RGS5: variants seen among roughly 807,000 people sequenced by gnomAD.
The protein encoded by RGS5 is regulator of G protein signaling 5, also known as regulator of G-protein signalling 5.
In RGS5, 20 loss-of-function variants were observed where a neutral mutation model predicts 18.9. The observed-to-expected ratio is 1.06, with a 90% CI of 0.74 to 1.54. The LOEUF (loss-of-function observed/expected upper bound fraction) is 1.54, where lower values mean the gene tolerates loss of function less well. RGS5 is among the 40% of genes most tolerant of loss of function. The probability of loss-of-function intolerance (pLI) is 0.00; values close to 1 mark genes in which losing one functional copy is unlikely to be tolerated. For missense variants in RGS5, 201 were observed against 211.8 expected, an observed-to-expected ratio of 0.95 and a Z score of 0.32; for synonymous variants, 57 against 76.2, an observed-to-expected ratio of 0.75 and a Z score of 1.31.
chr1:163,263,086 G>T (rs954543170), intron 2 of RGS5, among the ~76,000 whole-genome samples: 1 of 152,132 alleles, frequency 6.6e-6, no homozygotes, highest in Admixed American at 6.5e-5. Context: ...CATTGCTTGG[G>T]CTTTATAGCT....
chr1:163,217,743 C>A, upstream of RGS5: 1 of 1,079,782 alleles, frequency 9.3e-7, no homozygotes, highest in Non-Finnish European at 1.3e-6. Context: ...TAAAAGTATC[C>A]TGAACCTGAA....
At chr1:163,217,434 T>C (rs1660243619) in intron 1 of RGS5, 2 of 1,338,856 alleles carry the variant, frequency 1.5e-6, no homozygotes, top group East Asian at 2.7e-5. Context: ...AGAGCACTAT[T>C]GGCATCCTTC....
At chr1:163,173,503 A>G (rs1658398285) in intron 1 of RGS5, among the ~76,000 whole-genome samples, 1 of 152,202 alleles carries the variant, frequency 6.6e-6, no homozygotes, top group Non-Finnish European at 1.5e-5. Flanking sequence ...TAGTGCGTGA[A>G]TTTAATGGGT....
At chr1:163,289,690 C>T (rs759559929) in intron 2 of RGS5, among the ~76,000 whole-genome samples, 2 of 152,140 alleles carry the variant, frequency 1.3e-5, no homozygotes, top group South Asian at 4.1e-4. Flanking sequence ...TAGGTCCCTT[C>T]CTGATATAAA....
intron 1 of RGS5, among the ~76,000 whole-genome samples, chr1:163,201,071 C>T (rs1185783489): frequency 1.3e-5 from 2 of 152,128 alleles, no homozygotes; most frequent in Non-Finnish European, 2.9e-5. Context: ...GTCATAGAAT[C>T]ACAAAATGCT....
rs148434286 is a variant in RGS5, at chr1:163,298,732, T to C, written c.-281+7501A>G. ...TTCCCAGGGAGGATACCTATGACAA[T>C]TGTGTTTCTTTTTGGAGGCTCTATC... is the stretch of plus-strand genomic sequence containing the variant. On this transcript the variant is annotated intron_variant, in intron 2 of 5. Transcript: ENST00000618415. 5.4e-3 allele frequency among the ~76,000 whole-genome samples: 827 copies of C among 152,172 alleles called. 13 individuals are homozygous for C. The highest frequency in any genetic ancestry group is 0.019 in the African/African-American group (770 of 41,530).
intron 2 of RGS5, chr1:163,239,320 C>CAA (rs11346860): frequency 3.5e-5 from 5 of 142,004 alleles, no homozygotes; most frequent in Admixed American, 7.1e-5. Context: ...TACTAAAATC[C>CAA]AAAAAAAAAA....
At chr1:163,208,269 A>ACC (rs58302424) in intron 1 of RGS5, among the ~76,000 whole-genome samples, 125,542 of 145,896 alleles carry the variant, frequency 0.86, 54,224 homozygotes, top group African/African-American at 0.97. Flanking sequence ...AATGGCGTGA[A>ACC]CCCGGGAGGC....
intron 2 of RGS5, among the ~76,000 whole-genome samples, chr1:163,301,733 C>T (rs896482712): frequency 2.6e-5 from 4 of 152,154 alleles, no homozygotes; most frequent in African/African-American, 9.7e-5. Context: ...CTTTGTTATT[C>T]CTTTAAGTAC....
At chr1:163,213,520 G>A (rs987848612) in intron 1 of RGS5, among the ~76,000 whole-genome samples, 5 of 152,270 alleles carry the variant, frequency 3.3e-5, no homozygotes, top group African/African-American at 9.6e-5. Context: ...GGAGGCAAAA[G>A]CCACAAGCTA....
intron 2 of RGS5, among the ~76,000 whole-genome samples, chr1:163,229,217 G>T (rs776972054): frequency 6.6e-6 from 1 of 152,086 alleles, no homozygotes; most frequent in Non-Finnish European, 1.5e-5. Context: ...GTTCCATATC[G>T]CTGGGGAGGC....
intron 2 of RGS5, among the ~76,000 whole-genome samples, chr1:163,277,136 T>C (rs1648878073): frequency 6.6e-6 from 1 of 152,240 alleles, no homozygotes; most frequent in South Asian, 2.1e-4. Flanking sequence ...TTCCTTTCTA[T>C]TGATTCCAGG....
intron 2 of RGS5, among the ~76,000 whole-genome samples, chr1:163,299,179 A>G (rs1201184475): frequency 6.6e-6 from 1 of 152,198 alleles, no homozygotes. Context: ...TATAAGAACA[A>G]ATTATACTAT....
intron 4 of RGS5, among the ~76,000 whole-genome samples, chr1:163,148,632 G>A (rs1011311823): frequency 6.6e-6 from 1 of 152,168 alleles, no homozygotes. Flanking sequence ...CCAGAGCCCA[G>A]CCTTTTAACC....
intron 2 of RGS5, among the ~76,000 whole-genome samples, chr1:163,265,938 A>G (rs147896935): frequency 1.6e-3 from 250 of 152,110 alleles, no homozygotes; most frequent in African/African-American, 5.7e-3. Flanking sequence ...TTGGCCTTCA[A>G]TCAACCCCCA....
intron 2 of RGS5, among the ~76,000 whole-genome samples, chr1:163,284,286 C>A (rs377589019): frequency 4.9e-4 from 74 of 152,254 alleles, no homozygotes; most frequent in African/African-American, 1.6e-3. Flanking sequence ...TATCATTCAG[C>A]AACTATAGGC....
At chr1:163,295,690 C>T (rs1557934203) in intron 2 of RGS5, among the ~76,000 whole-genome samples, 1 of 152,134 alleles carries the variant, frequency 6.6e-6, no homozygotes, top group Non-Finnish European at 1.5e-5. Context: ...TACCCCACAC[C>T]CAATGCCAAG....
At chr1:163,307,564 G>C (rs1649738348) in intron 1 of RGS5, among the ~76,000 whole-genome samples, 1 of 151,994 alleles carries the variant, frequency 6.6e-6, no homozygotes, top group East Asian at 1.9e-4. Flanking sequence ...TGCGGATTAG[G>C]AAAGTACTGT....
Position 163,279,195 on chromosome 1 carries a change from C to A in RGS5, c.-281+27038G>T, listed in dbSNP as rs192533877. ...AAATTTAGTAGACATTTACAGAACTCTTCCTCCAACAGCTGCAGAATACAC... is the reference window on the plus strand; with the variant it reads ...AAATTTAGTAGACATTTACAGAACTATTCCTCCAACAGCTGCAGAATACAC... On this transcript the variant is annotated intron_variant, in intron 2 of 5. Transcript: ENST00000618415. Among the ~76,000 whole-genome samples the A allele has an allele frequency of 8.5e-5, 13 of 152,166 alleles. No individual in the cohort carries two copies. In the East Asian group the frequency reaches 2.5e-3, roughly 29 times the overall value.
Sources: gnomAD v4.1 joint callset for allele counts (sites outside exome capture counted in the v4.1 genomes callset) on GRCh38, gnomAD v4.1.1 for gene constraint, MANE v1.5 for transcripts, NCBI Gene and HGNC (gene_info 2026-07-23, HGNC 2026-07-21) for gene names.